Variants in PLB1 observed in about 807,000 individuals in gnomAD.
PLB1 encodes the protein phospholipase B1, membrane-associated.
A neutral mutation model predicts 227.4 loss-of-function variants in PLB1; 242 were observed. The observed-to-expected ratio is 1.06, with a 90% confidence interval of 0.96 to 1.18. PLB1 has a LOEUF of 1.18. Ranked by LOEUF, PLB1 falls within the 50% of genes most tolerant of loss-of-function variation. PLB1 has a pLI of 0.00. For synonymous variants in PLB1, 757 were observed against 682.2 expected (o/e 1.11, Z -1.71); for missense variants, 1,858 against 1,816.3 (o/e 1.02, Z -0.42).
At chr2:28,583,344 C>G (rs1194042224) in intron 25 of PLB1, among the ~76,000 whole-genome samples, 4 of 152,082 alleles carry the variant, frequency 2.6e-5, no homozygotes, top group Non-Finnish European at 4.4e-5. Context: ...CCACCATGCC[C>G]AGCTAATTTT....
At chr2:28,631,012 G>A (rs567598192) in intron 54 of PLB1, among the ~76,000 whole-genome samples, 21 of 152,034 alleles carry the variant, frequency 1.4e-4, no homozygotes, top group South Asian at 8.3e-4. Context: ...GCTTAGGCCC[G>A]ACACAATGGC....
At chr2:28,618,485 C>G in intron 46 of PLB1, 86 bp downstream of exon 46, 1 of 1,380,922 alleles carries the variant, frequency 7.2e-7, no homozygotes, top group Non-Finnish European at 1.0e-6. Flanking sequence ...GCATTGGCTC[C>G]GCTTTCAGTG....
At position 28,548,870 on chromosome 2, in the gene PLB1, C is replaced by T. The variant is rs1673730460; in HGVS notation, c.947C>T (p.Ala316Val). ...CACGTTCCTTTCTAGATGGAGCCAG[C>T]AGGAGAGAAAGATGAGCCATTGAGT... is the stretch of plus-strand genomic sequence containing the variant. ...WHLWNRMMEP[A>V]GEKDEPLSVK... The change falls in exon 15 of 58, where the codon GCA (alanine) becomes GTA (valine). Residue 316 changes from alanine (A) to valine (V), a missense_variant. Physicochemically the swap from Ala to Val is moderately conservative, Grantham distance 64. Coordinates refer to ENST00000327757, the MANE Select transcript of PLB1 (RefSeq NM_153021.5). The T allele has an allele frequency of 6.2e-7, 1 of 1,613,886 alleles. No individual in the cohort carries two copies.
At chr2:28,603,142 C>T (rs1399852730) in intron 39 of PLB1, among the ~76,000 whole-genome samples, 1 of 152,206 alleles carries the variant, frequency 6.6e-6, no homozygotes, top group African/African-American at 2.4e-5. Context: ...TGATACCAGG[C>T]AGCCACAGAG....
intron 43 of PLB1, among the ~76,000 whole-genome samples, chr2:28,613,014 G>C (rs1011463279): frequency 9.2e-5 from 14 of 151,924 alleles, no homozygotes; most frequent in Admixed American, 8.5e-4. Flanking sequence ...CAAACTCCTG[G>C]GTTCAAGCAA....
chr2:28,526,031 A>T, intron 6 of PLB1, 86 bp downstream of exon 6: 2 of 1,444,044 alleles, frequency 1.4e-6, no homozygotes, highest in Middle Eastern at 1.8e-4. Context: ...GAGAATGGAC[A>T]CCACCAGCCA....
At chr2:28,549,756 T>G (rs1219848875) in intron 15 of PLB1, among the ~76,000 whole-genome samples, 6 of 152,172 alleles carry the variant, frequency 3.9e-5, no homozygotes, top group African/African-American at 1.4e-4. Context: ...CATCAAAATA[T>G]ATATACTTAG....
chr2:28,573,724 C>T (rs1270342161), intron 21 of PLB1, among the ~76,000 whole-genome samples: 1 of 152,182 alleles, frequency 6.6e-6, no homozygotes, highest in Non-Finnish European at 1.5e-5. Context: ...AGAGTACCAG[C>T]CCTGGGAGGG....
At position 28,578,968 on chromosome 2, in the gene PLB1, C is replaced by G. The variant is rs138864250; in HGVS notation, c.1486-659C>G. Among the ~76,000 whole-genome samples, 755 of 152,090 alleles carry G rather than the reference C, an allele frequency of 5.0e-3. 7 individuals carry two copies. The highest frequency in any genetic ancestry group is 0.017 in the African/African-American group (715 of 41,472). Reference sequence around the variant, plus strand: ...TTGCAGGGCCGTGGCTGCCCTGGGGCCATAGTTTATGGAATGTGTATGGCT... The same window carrying G: ...TTGCAGGGCCGTGGCTGCCCTGGGGGCATAGTTTATGGAATGTGTATGGCT... On this transcript the variant is annotated intron_variant, in intron 22 of 57. Coordinates refer to ENST00000327757, the MANE Select transcript of PLB1 (RefSeq NM_153021.5).
At chr2:28,585,578 G>T in intron 25 of PLB1, 183 bp from the exon 26 acceptor site, 1 of 580,744 alleles carries the variant, frequency 1.7e-6, no homozygotes. Context: ...CGCCTGGCCT[G>T]GAAATCTTCT....
intron 3 of PLB1, among the ~76,000 whole-genome samples, chr2:28,519,176 A>G (rs1014395612): frequency 4.6e-5 from 7 of 151,614 alleles, no homozygotes; most frequent in African/African-American, 1.5e-4. Context: ...AAAGATGCCA[A>G]TCACTCAAGT....
intron 4 of PLB1, among the ~76,000 whole-genome samples, chr2:28,522,330 C>G (rs939049475): frequency 6.6e-6 from 1 of 151,946 alleles, no homozygotes; most frequent in Non-Finnish European, 1.5e-5. Flanking sequence ...GGCAGAGCTC[C>G]CCACCCGCAT....
At chr2:28,637,083 C>CA (rs1191799406) in intron 56 of PLB1, among the ~76,000 whole-genome samples, 14 of 152,210 alleles carry the variant, frequency 9.2e-5, no homozygotes, top group African/African-American at 3.4e-4. Flanking sequence ...CCCCTGAGGT[C>CA]AGGAGTTCAA....
At chr2:28,624,253 C>A (rs1029404864) in intron 49 of PLB1, among the ~76,000 whole-genome samples, 1 of 152,166 alleles carries the variant, frequency 6.6e-6, no homozygotes, top group African/African-American at 2.4e-5. Flanking sequence ...AACCACTAAC[C>A]TTCTTTCCAT....
In PLB1 at chr2:28,518,832, G is replaced by A. The variant is rs140439890; in HGVS notation, c.184+300G>A. Among the ~76,000 whole-genome samples, 6 of 152,284 alleles carry A rather than the reference G, an allele frequency of 3.9e-5. No homozygotes were observed. The East Asian group carries it at 1.2e-3, about 29-fold the overall frequency. Reference sequence around the variant, plus strand: ...CCCTATTCTTGTAATGTAGTACAATGGCAGCTCTGGACCTTTTTCCCCACA... The same window carrying A: ...CCCTATTCTTGTAATGTAGTACAATAGCAGCTCTGGACCTTTTTCCCCACA... On this transcript the variant is annotated intron_variant, in intron 3 of 57. Transcript: ENST00000327757.
intron 18 of PLB1, among the ~76,000 whole-genome samples, chr2:28,564,888 G>T (rs1676629538): frequency 6.6e-6 from 1 of 152,074 alleles, no homozygotes; most frequent in Non-Finnish European, 1.5e-5. Context: ...AGATATATTG[G>T]TATAAAAGGA....
At chr2:28,550,525 ATTTTTTTTT>A (rs34468949) in intron 16 of PLB1, among the ~76,000 whole-genome samples, 2 of 132,212 alleles carry the variant, frequency 1.5e-5, no homozygotes, top group African/African-American at 5.8e-5. Context: ...CCTCAATACA[ATTTTTTTTT>A]TTTTTTTTTG....
At position 28,626,382 on chromosome 2, in the gene PLB1, T is replaced by C. The variant is rs751265844; in HGVS notation, c.3580-46T>C. 2.6e-5 allele frequency: 40 copies of C among 1,537,008 alleles called. No homozygotes were observed. In the South Asian group the frequency reaches 4.1e-4, roughly 16 times the overall value. On this transcript the variant is annotated intron_variant, in intron 50 of 57. Coordinates refer to ENST00000327757, the MANE Select transcript of PLB1 (RefSeq NM_153021.5). ...GGCTGGCCCAGTAGCAACATTTGTA[T>C]GTGCCTCCCACCAAGGCCTAAACTC...
Position 28,513,150 on chromosome 2 carries a change from G to A in PLB1, c.56-3658G>A, listed in dbSNP as rs368527580. Among the ~76,000 whole-genome samples the A allele has an allele frequency of 4.0e-4, 61 of 152,212 alleles. 1 individual carries two copies. The East Asian group carries it at 7.5e-3, about 19-fold the overall frequency. On this transcript the variant is annotated intron_variant, in intron 1 of 57. Coordinates refer to ENST00000327757, the MANE Select transcript of PLB1 (RefSeq NM_153021.5). ...TTCTCTTGACTATGGTTTATTTAAT[G>A]TTGTCTCCTGGTAATTTTTTAATGG... is the stretch of plus-strand genomic sequence containing the variant.
Sources: allele counts gnomAD v4.1 joint callset (sites outside exome capture counted in the v4.1 genomes callset), GRCh38; gene constraint gnomAD v4.1.1; transcripts MANE v1.5; gene names NCBI Gene and HGNC (gene_info 2026-07-23, HGNC 2026-07-21).